The following CEP112 variants were observed in gnomAD, a reference collection of about 807,000 sequenced individuals.
CEP112 encodes centrosomal protein of 112 kDa.
A neutral mutation model predicts 153.0 loss-of-function variants in CEP112; 127 were observed. The ratio of observed to expected loss-of-function variants is 0.83; its 90% confidence interval spans 0.72 to 0.96. The LOEUF is 0.96. Ranked by LOEUF, CEP112 falls within the 40% of genes least tolerant of loss-of-function variation. The pLI is 0.00. For synonymous variants in CEP112, 358 were observed against 374.4 expected (o/e 0.96, Z 0.51); for missense variants, 1,089 against 1,101.2 (o/e 0.99, Z 0.16).
chr17:66,187,292 T>C (rs1183738852), intron 1 of CEP112, among the ~76,000 whole-genome samples: 1 of 152,192 alleles, frequency 6.6e-6, no homozygotes, highest in Admixed American at 6.5e-5. Flanking sequence ...TCTCCCCTCA[T>C]TCTAGCATTC....
chr17:65,997,503 G>T (rs2063832957), intron 17 of CEP112, among the ~76,000 whole-genome samples: 1 of 152,082 alleles, frequency 6.6e-6, no homozygotes. Flanking sequence ...TAAGTGATTT[G>T]GGACAAACTG....
At chr17:65,999,157 T>C (rs1183348785) in intron 17 of CEP112, among the ~76,000 whole-genome samples, 3 of 152,116 alleles carry the variant, frequency 2.0e-5, no homozygotes, top group African/African-American at 7.2e-5. Flanking sequence ...GCAAGAAATA[T>C]TTACTTGCTG....
At chr17:66,052,751 A>G (rs188334247) in intron 12 of CEP112, among the ~76,000 whole-genome samples, 1 of 151,948 alleles carries the variant, frequency 6.6e-6, no homozygotes, top group Non-Finnish European at 1.5e-5. Context: ...TCACATTAGC[A>G]TTATTTTCAG....
chr17:66,106,054 G>A lies in CEP112; in HGVS notation c.643-9422C>T, dbSNP rs1470638776. 4.0e-5 allele frequency among the ~76,000 whole-genome samples: 6 copies of A among 151,714 alleles called. No homozygotes were observed. In the East Asian group the frequency reaches 9.7e-4, roughly 25 times the overall value. ...TAAATATGCTCCTGAATGACCCATG[G>A]GTCAATAAAGAAATAAAGAAGGAAA... On this transcript the variant is annotated intron_variant, in intron 6 of 26. Transcript: ENST00000535342.
intron 24 of CEP112, among the ~76,000 whole-genome samples, chr17:65,678,731 A>T (rs1480954484): frequency 2.6e-5 from 4 of 152,202 alleles, no homozygotes; most frequent in Non-Finnish European, 5.9e-5. Flanking sequence ...TGCTTTATGG[A>T]AAAACAGCTG....
chr17:65,672,914 G>T (rs2047056618), intron 24 of CEP112, among the ~76,000 whole-genome samples: 1 of 152,164 alleles, frequency 6.6e-6, no homozygotes, highest in Non-Finnish European at 1.5e-5. Context: ...TATCTATTTG[G>T]AAAGGAAACT....
intron 16 of CEP112, among the ~76,000 whole-genome samples, chr17:66,015,873 A>G (rs1451942089): frequency 2.0e-5 from 3 of 152,104 alleles, no homozygotes; most frequent in Non-Finnish European, 4.4e-5. Flanking sequence ...ATCAGTTGTT[A>G]TATACTGGTT....
At chr17:65,737,199 C>A (rs1368621108) in intron 23 of CEP112, among the ~76,000 whole-genome samples, 1 of 152,046 alleles carries the variant, frequency 6.6e-6, no homozygotes, top group Non-Finnish European at 1.5e-5. Flanking sequence ...CAAAAATGCA[C>A]CAACAGAACA....
chr17:65,893,352 C>T (rs2059544918), intron 20 of CEP112, among the ~76,000 whole-genome samples: 1 of 152,052 alleles, frequency 6.6e-6, no homozygotes, highest in African/African-American at 2.4e-5. Flanking sequence ...CTAAGCAAAA[C>T]AAATAAAAAT....
chr17:65,967,486 T>C (rs929680275), intron 17 of CEP112, among the ~76,000 whole-genome samples: 1 of 152,198 alleles, frequency 6.6e-6, no homozygotes. Context: ...AAAAGAAGTG[T>C]AAAACATGGT....
intron 24 of CEP112, among the ~76,000 whole-genome samples, chr17:65,650,934 T>C (rs950261500): frequency 3.3e-5 from 5 of 151,836 alleles, no homozygotes; most frequent in African/African-American, 4.8e-5. Flanking sequence ...TTTTTATGTA[T>C]ATATATATTT....
At chr17:65,971,033 T>C (rs533033948) in intron 17 of CEP112, among the ~76,000 whole-genome samples, 1 of 152,344 alleles carries the variant, frequency 6.6e-6, no homozygotes, top group South Asian at 2.1e-4. Context: ...TGGAAATTTT[T>C]AAGAGGCTTG....
chr17:65,839,621 T>C (rs1351278754), intron 21 of CEP112, among the ~76,000 whole-genome samples: 1 of 152,010 alleles, frequency 6.6e-6, no homozygotes, highest in Non-Finnish European at 1.5e-5. Context: ...ACAAGGATGC[T>C]CACTTTCACC....
rs2066982448 is a variant in CEP112, at chr17:66,063,027, A to G, written c.1010T>C (p.Ile337Thr). 1 of 1,600,788 alleles carries G rather than the reference A, an allele frequency of 6.2e-7. No homozygotes were observed. Among genetic ancestry groups the G allele is most frequent in the African/African-American group, 1.3e-5 (1 of 74,494 alleles). The change falls in exon 11 of 27, where the codon ATT (isoleucine) becomes ACT (threonine). Residue 337 changes from isoleucine (I) to threonine (T), a missense_variant. Ile to Thr is a moderately conservative substitution (Grantham distance 89). Coordinates refer to ENST00000535342, the MANE Select transcript of CEP112 (RefSeq NM_001199165.4). ...TTCACATATCTTTTTCAGCTCTGCA[A>G]TCTGGTCTTCTTTAGTCTCTCTGAT... ...QVIRETKEDQ[I>T]AELKKICEQS... is the part of the protein sequence containing the mutation.
At chr17:65,845,418 A>G (rs1206105445) in intron 21 of CEP112, among the ~76,000 whole-genome samples, 1 of 152,232 alleles carries the variant, frequency 6.6e-6, no homozygotes, top group Non-Finnish European at 1.5e-5. Context: ...TGACATTGGA[A>G]TATTCTTAGT....
intron 23 of CEP112, among the ~76,000 whole-genome samples, chr17:65,722,991 A>T (rs1326955333): frequency 6.6e-6 from 1 of 152,186 alleles, no homozygotes; most frequent in Non-Finnish European, 1.5e-5. Flanking sequence ...GAGGGATTTG[A>T]GGTCAAGCGC....
intron 12 of CEP112, among the ~76,000 whole-genome samples, chr17:66,035,265 T>A (rs148028167): frequency 6.6e-5 from 10 of 152,102 alleles, no homozygotes; most frequent in Non-Finnish European, 1.0e-4. Flanking sequence ...AGCAGAACTA[T>A]GAGAGGACGT....
At chr17:66,057,369 A>G (rs948939250) in intron 11 of CEP112, among the ~76,000 whole-genome samples, 1 of 152,154 alleles carries the variant, frequency 6.6e-6, no homozygotes, top group African/African-American at 2.4e-5. Flanking sequence ...CATAGAGAAT[A>G]CCCTACTGGG....
intron 4 of CEP112, among the ~76,000 whole-genome samples, chr17:66,136,013 T>C (rs2070419395): frequency 1.3e-5 from 2 of 152,140 alleles, no homozygotes; most frequent in African/African-American, 4.8e-5. Flanking sequence ...AAATTTCCTT[T>C]GTGAGACATC....
Sources: allele counts gnomAD v4.1 joint callset (sites outside exome capture counted in the v4.1 genomes callset), GRCh38; gene constraint gnomAD v4.1.1; transcripts MANE v1.5; gene names NCBI Gene and HGNC (gene_info 2026-07-23, HGNC 2026-07-21).